The following NLGN1 variants were observed in gnomAD, a reference collection of about 807,000 sequenced individuals.
NLGN1 encodes neuroligin-1.
NLGN1 carries 12 observed loss-of-function variants against 65.5 expected under a neutral mutation model. The observed-to-expected ratio is 0.18, with a 90% CI of 0.12 to 0.30. The LOEUF is 0.30. Ranked by LOEUF, NLGN1 falls within the 10% of genes least tolerant of loss-of-function variation. NLGN1 has a pLI of 1.00. For synonymous variants in NLGN1, 350 were observed against 359.5 expected (o/e 0.97, Z 0.30); for missense variants, 750 against 1,007.1 (o/e 0.74, Z 3.46).
intron 4 of NLGN1, among the ~76,000 whole-genome samples, chr3:173,867,823 A>G (rs1223505532): frequency 6.6e-6 from 1 of 152,126 alleles, no homozygotes; most frequent in African/African-American, 2.4e-5. Flanking sequence ...AAATCTACCT[A>G]CTAAAAATAA....
rs147300032 is a variant in NLGN1 at position 173,668,953 on chromosome 3, A to C, written c.493+63862A>C. Among the ~76,000 whole-genome samples, 477 of 152,290 alleles carry C rather than the reference A, an allele frequency of 3.1e-3. 8 individuals are homozygous for C. Among genetic ancestry groups the C allele is most frequent in the Admixed American group, 0.026 (396 of 15,300 alleles). On this transcript the variant is annotated intron_variant, in intron 3 of 6. Transcript: ENST00000457714. ...TCTTTATCTTTAATATGGGAATACT[A>C]ATACTTTGTTCAAGGGTATTCTGTG... is the stretch of plus-strand genomic sequence containing the variant.
chr3:174,044,486 C>A (rs941688875), intron 4 of NLGN1, among the ~76,000 whole-genome samples: 2 of 152,148 alleles, frequency 1.3e-5, no homozygotes, highest in Non-Finnish European at 2.9e-5. Flanking sequence ...TTCAGCAGAT[C>A]TCTAGGGCAG....
intron 2 of NLGN1, among the ~76,000 whole-genome samples, chr3:173,458,371 G>A (rs532012504): frequency 9.2e-5 from 14 of 152,186 alleles, no homozygotes; most frequent in African/African-American, 1.2e-4. Flanking sequence ...GCAATATGGT[G>A]CTGGACATAC....
At chr3:173,738,696 T>G (rs1774152854) in intron 3 of NLGN1, among the ~76,000 whole-genome samples, 1 of 152,084 alleles carries the variant, frequency 6.6e-6, no homozygotes, top group Admixed American at 6.6e-5. Context: ...ACTCTGTTTA[T>G]TTTTGAGATC....
chr3:174,218,997 T>A (rs1318208613), intron 4 of NLGN1, among the ~76,000 whole-genome samples: 1 of 152,220 alleles, frequency 6.6e-6, no homozygotes, highest in East Asian at 1.9e-4. Context: ...ATGACCTAGA[T>A]CATTTTCTAC....
chr3:174,119,894 C>T (rs966088726), intron 4 of NLGN1, among the ~76,000 whole-genome samples: 3 of 152,114 alleles, frequency 2.0e-5, no homozygotes, highest in Non-Finnish European at 2.9e-5. Context: ...CCAGAAAGTT[C>T]CTGTAGTAAA....
chr3:173,969,384 T>C (rs1715662492), intron 4 of NLGN1, among the ~76,000 whole-genome samples: 1 of 152,096 alleles, frequency 6.6e-6, no homozygotes, highest in Admixed American at 6.5e-5. Flanking sequence ...TAAAGTAACA[T>C]AATTAGCTAG....
intron 2 of NLGN1, among the ~76,000 whole-genome samples, chr3:173,526,589 C>T (rs182462915): frequency 2.2e-4 from 33 of 152,174 alleles, no homozygotes; most frequent in African/African-American, 7.5e-4. Context: ...AGCATTTATC[C>T]TTTGTGTTAC....
At chr3:173,581,787 C>T (rs1432119453) in intron 2 of NLGN1, among the ~76,000 whole-genome samples, 1 of 151,696 alleles carries the variant, frequency 6.6e-6, no homozygotes, top group South Asian at 2.1e-4. Context: ...TAAAGATTCA[C>T]AGGAATAATG....
rs117120471 is a variant in NLGN1, at chr3:174,048,581, A to C, written c.647-226734A>C. On this transcript the variant is annotated intron_variant, in intron 4 of 6. Transcript: ENST00000457714. Reference sequence around the variant, plus strand: ...TACATATCAAAGATTAGAGATATGAAAAAAAAATTTATCCTGGGGGAAATC... The same window carrying C: ...TACATATCAAAGATTAGAGATATGACAAAAAAATTTATCCTGGGGGAAATC... Among the ~76,000 whole-genome samples the C allele has an allele frequency of 5.3e-3, 802 of 152,118 alleles. 6 individuals carry two copies. The highest frequency in any genetic ancestry group is 0.032 in the East Asian group (166 of 5,162).
intron 2 of NLGN1, among the ~76,000 whole-genome samples, chr3:173,574,822 G>A (rs1374829466): frequency 2.0e-5 from 3 of 152,156 alleles, no homozygotes; most frequent in African/African-American, 7.2e-5. Context: ...GGTGACTTTT[G>A]TAAAAGCCCT....
chr3:173,956,617 T>C (rs1463169376), intron 4 of NLGN1, among the ~76,000 whole-genome samples: 2 of 152,224 alleles, frequency 1.3e-5, no homozygotes, highest in Admixed American at 6.5e-5. Flanking sequence ...GGTGCCTGTT[T>C]GCTTCCTGCC....
chr3:174,253,894 C>T (rs912115142), intron 4 of NLGN1, among the ~76,000 whole-genome samples: 7 of 152,134 alleles, frequency 4.6e-5, no homozygotes, highest in African/African-American at 2.4e-5. Flanking sequence ...TAATTTTCTC[C>T]TTGGTGAGCC....
intron 3 of NLGN1, among the ~76,000 whole-genome samples, chr3:173,612,434 C>G (rs115023896): frequency 6.6e-6 from 1 of 152,062 alleles, no homozygotes; most frequent in Non-Finnish European, 1.5e-5. Context: ...AGGATTGGCT[C>G]TTTCTGGAGG....
chr3:173,612,076 C>G (rs1277281925), intron 3 of NLGN1, among the ~76,000 whole-genome samples: 1 of 151,906 alleles, frequency 6.6e-6, no homozygotes, highest in Non-Finnish European at 1.5e-5. Context: ...TTTAATATCT[C>G]TCCTATGAAT....
At chr3:173,542,109 G>A (rs888909006) in intron 2 of NLGN1, among the ~76,000 whole-genome samples, 2 of 151,522 alleles carry the variant, frequency 1.3e-5, no homozygotes, top group African/African-American at 4.8e-5. Context: ...TATTTACTTT[G>A]TATTTTTAAT....
At chr3:173,539,707 T>C (rs530136206) in intron 2 of NLGN1, among the ~76,000 whole-genome samples, 70 of 137,404 alleles carry the variant, frequency 5.1e-4, no homozygotes, top group African/African-American at 1.9e-3. Flanking sequence ...TGCACATATA[T>C]ACATATATGT....
chr3:173,722,241 C>CTTTTTTTT (rs58327862), intron 3 of NLGN1, among the ~76,000 whole-genome samples: 2 of 100,122 alleles, frequency 2.0e-5, no homozygotes, highest in Non-Finnish European at 3.8e-5. Context: ...TCTTCTTCTT[C>CTTTTTTTT]TTTTTTTTTT....
At chr3:173,439,526 C>G (rs1232741741) in intron 2 of NLGN1, among the ~76,000 whole-genome samples, 1 of 138,524 alleles carries the variant, frequency 7.2e-6, no homozygotes, top group African/African-American at 2.9e-5. Flanking sequence ...ACTGCTCATT[C>G]ACCTGCAAAA....
Sources: allele counts gnomAD v4.1 joint callset (sites outside exome capture counted in the v4.1 genomes callset), GRCh38; gene constraint gnomAD v4.1.1; transcripts MANE v1.5; gene names NCBI Gene and HGNC (gene_info 2026-07-23, HGNC 2026-07-21).